INPP5F: variants seen among roughly 807,000 people sequenced by gnomAD.
INPP5F encodes phosphatidylinositide 4-phosphatase SAC2.
In INPP5F, 97 loss-of-function variants were observed where a neutral mutation model predicts 137.2. The ratio of observed to expected loss-of-function variants is 0.71; its 90% confidence interval spans 0.60 to 0.84. INPP5F has a LOEUF of 0.84. Ranked by LOEUF, INPP5F falls within the 40% of genes least tolerant of loss-of-function variation. The probability of loss-of-function intolerance (pLI) is 0.00; values close to 1 mark genes in which losing one functional copy is unlikely to be tolerated. For missense variants in INPP5F, 1,271 were observed against 1,371.9 expected (o/e 0.93, Z 1.16); for synonymous variants, 504 against 476.9 (o/e 1.06, Z -0.74).
chr10:119,756,291 T>G (rs1848840144), intron 2 of INPP5F, among the ~76,000 whole-genome samples: 1 of 152,152 alleles, frequency 6.6e-6, no homozygotes, highest in Non-Finnish European at 1.5e-5. Context: ...TTGAACAAAT[T>G]TTAAACATGG....
intron 19 of INPP5F, chr10:119,825,940 TCTTA>T (rs1354247913): frequency 2.5e-6 from 1 of 398,420 alleles, no homozygotes; most frequent in African/African-American, 2.1e-5. Flanking sequence ...AACTTTTCTT[TCTTA>T]TTTATAGCTG....
At chr10:119,796,065 G>A (rs1345375415) in intron 6 of INPP5F, among the ~76,000 whole-genome samples, 8 of 149,012 alleles carry the variant, frequency 5.4e-5, no homozygotes, top group Non-Finnish European at 7.5e-5. Context: ...GAGGGAGACC[G>A]TGGGGAGAGG....
chr10:119,764,467 G>GTTCTC (rs1387939951), intron 2 of INPP5F, among the ~76,000 whole-genome samples: 1 of 151,906 alleles, frequency 6.6e-6, no homozygotes, highest in Non-Finnish European at 1.5e-5. Flanking sequence ...AGACCAACCC[G>GTTCTC]TTCTCATCCT....
At position 119,748,928 on chromosome 10, in the gene INPP5F, G is replaced by A. The variant is rs570240550; in HGVS notation, c.98-2148G>A. ...CCACTGCCCAGGCTGTTTGGGCTGA[G>A]GGGTGCCTGCAGGCCCACTTGGAGC... On this transcript the variant is annotated intron_variant, in intron 1 of 19. Transcript: ENST00000650623. The surrounding 1 kb of genome is among the most constrained non-coding windows in gnomAD (Gnocchi z 4.7). Among the ~76,000 whole-genome samples the A allele has an allele frequency of 2.8e-4, 43 of 152,322 alleles. No individual in the cohort carries two copies. Among genetic ancestry groups the A allele is most frequent in the Non-Finnish European group, 5.4e-4 (37 of 68,022 alleles).
At chr10:119,784,944 G>A (rs953456041) in intron 3 of INPP5F, among the ~76,000 whole-genome samples, 1 of 152,164 alleles carries the variant, frequency 6.6e-6, no homozygotes, top group Non-Finnish European at 1.5e-5. Flanking sequence ...ACATCTCATA[G>A]AAACGGAATA....
chr10:119,790,479 T>A (rs1850102153), intron 3 of INPP5F, among the ~76,000 whole-genome samples: 1 of 152,218 alleles, frequency 6.6e-6, no homozygotes, highest in African/African-American at 2.4e-5. Flanking sequence ...CTTGAAATCA[T>A]CTGGAGATCC....
intron 15 of INPP5F, among the ~76,000 whole-genome samples, chr10:119,816,916 T>C (rs1589751111): frequency 6.6e-6 from 1 of 152,184 alleles, no homozygotes; most frequent in Non-Finnish European, 1.5e-5. Flanking sequence ...ATATTCAGAG[T>C]TGTGCAGCCA....
intron 3 of INPP5F, among the ~76,000 whole-genome samples, chr10:119,785,284 C>CTTTTTTTT (rs1440327192): frequency 2.5e-5 from 2 of 81,600 alleles, no homozygotes; most frequent in Non-Finnish European, 5.4e-5. Flanking sequence ...AACTGCCAGA[C>CTTTTTTTT]TGTTTTTTTT....
chr10:119,827,563 A>G lies in INPP5F; in HGVS notation c.3182A>G (p.Glu1061Gly), dbSNP rs1202897437. 1.9e-6 allele frequency: 3 copies of G among 1,614,052 alleles called. No individual in the cohort carries two copies. Among genetic ancestry groups the G allele is most frequent in the South Asian group, 2.2e-5 (2 of 91,088 alleles). ...CTTCATGTAACTCCTTCTCCTTCAG[A>G]GAGCAGTAGCAGCAGAGCAGTCTCT... The part of the protein sequence containing the change: ...TGLHVTPSPS[E>G]SSSSRAVSPF... Residue 1061 changes from glutamate to glycine, a missense_variant, in exon 20 of 20, where the codon GAG becomes GGG. This residue lies in a region of INPP5F where 490 missense variants were observed against 443.7 expected (regional missense o/e 1.10). Coordinates refer to ENST00000650623, the MANE Select transcript of INPP5F (RefSeq NM_014937.4).
rs372913326 is a variant in INPP5F, at chr10:119,827,214, G to A, written c.2833G>A (p.Asp945Asn). The change falls in exon 20 of 20, where the codon GAC (aspartate) becomes AAC (asparagine). Residue 945 changes from aspartate to asparagine, a missense_variant. Physicochemically the swap from Asp to Asn is conservative, Grantham distance 23 (BLOSUM62 1). Transcript: ENST00000650623. ...TTTGAAGAAAAGTCCTTCTGCTGGCGACGTACACATATTGACTGGCTTTGC... is the reference window on the plus strand; with the variant it reads ...TTTGAAGAAAAGTCCTTCTGCTGGCAACGTACACATATTGACTGGCTTTGC... ...SPLKKSPSAGDVHILTGFAKP... is the reference protein window; with the variant it reads ...SPLKKSPSAGNVHILTGFAKP... 29 of 1,613,954 alleles carry A rather than the reference G, an allele frequency of 1.8e-5. No homozygotes were observed. Among genetic ancestry groups the A allele is most frequent in the South Asian group, 2.2e-5 (2 of 91,074 alleles).
At chr10:119,752,361 G>C (rs1309213908) in intron 2 of INPP5F, among the ~76,000 whole-genome samples, 3 of 152,162 alleles carry the variant, frequency 2.0e-5, no homozygotes, top group African/African-American at 7.2e-5. Context: ...GAGGCAGGTG[G>C]ATCATCTGAG....
intron 1 of INPP5F, 75 bp from the exon 2 acceptor site, chr10:119,751,001 T>C (rs1848676124): frequency 7.3e-6 from 7 of 957,956 alleles, no homozygotes; most frequent in African/African-American, 3.3e-5. Flanking sequence ...TTTTTTTCAA[T>C]ACACTGCTAA....
chr10:119,810,700 C>T (rs1564845961), intron 14 of INPP5F, among the ~76,000 whole-genome samples: 1 of 152,152 alleles, frequency 6.6e-6, no homozygotes, highest in Non-Finnish European at 1.5e-5. Flanking sequence ...CCCTAACCAA[C>T]TCATCATTTT....
At chr10:119,768,057 A>G (rs996242652) in intron 2 of INPP5F, among the ~76,000 whole-genome samples, 89 of 152,296 alleles carry the variant, frequency 5.8e-4, no homozygotes, top group Admixed American at 2.5e-3. Context: ...CTTTACCAAC[A>G]TGTCTCCATC....
In INPP5F at chr10:119,785,535, C is replaced by CGAGAGAGAGAGAGAGAGA. The variant is rs59804262; in HGVS notation, c.315+3791_315+3808dup. On this transcript the variant is annotated intron_variant, in intron 3 of 19. Transcript: ENST00000650623. ...TGATCTCCTGACCTTGTGATCCGCT[C>CGAGAGAGAGAGAGAGAGA]GAGAGAGAGAGAGAGAGAGAGAGAG... Among the ~76,000 whole-genome samples the CGAGAGAGAGAGAGAGAGA allele has an allele frequency of 7.1e-3, 667 of 93,586 alleles. 58 individuals are homozygous for CGAGAGAGAGAGAGAGAGA. The highest frequency in any genetic ancestry group is 9.7e-3 in the Non-Finnish European group (446 of 45,936). The allele number at this position is 93,586 out of a possible 152,430, so 61.4% of individuals were successfully genotyped here. A position where few individuals can be genotyped will look rare whatever the true frequency, so the allele number is the denominator to read the frequency against.
chr10:119,826,975 C>A lies in INPP5F; in HGVS notation c.2594C>A (p.Thr865Lys). 1 of 1,614,076 alleles carries A rather than the reference C, an allele frequency of 6.2e-7. No homozygotes were observed. The highest frequency in any genetic ancestry group is 1.1e-5 in the South Asian group (1 of 91,070). The part of the protein sequence containing the change: ...NDSYHSDEFL[T>K]NSKSDEDRQL... Reference sequence around the variant, plus strand: ...TCATACCACTCTGATGAATTCCTTACAAATTCTAAGTCTGATGAAGACAGG... The same window carrying A: ...TCATACCACTCTGATGAATTCCTTAAAAATTCTAAGTCTGATGAAGACAGG... Residue 865 changes from threonine (T) to lysine (K), a missense_variant, in exon 20 of 20, where the codon ACA (threonine) becomes AAA (lysine). Around this residue, in one of 6 missense-constraint regions of INPP5F, gnomAD observed 490 missense variants for 443.7 expected, o/e 1.10. Transcript: ENST00000650623.
chr10:119,815,567 G>GCC (rs1361418066), intron 15 of INPP5F: 3 of 229,780 alleles, frequency 1.3e-5, no homozygotes, highest in African/African-American at 6.9e-5. Flanking sequence ...TGTCTTCTCT[G>GCC]ATGTGTAAAC....
At chr10:119,796,937 T>C (rs1483666620) in intron 7 of INPP5F, 24 bp downstream of exon 7, 1 of 1,590,614 alleles carries the variant, frequency 6.3e-7, no homozygotes, top group Non-Finnish European at 8.6e-7. Flanking sequence ...TGTAATAGCA[T>C]TCAAATCAAA....
chr10:119,749,715 CAG>C (rs568020424), intron 1 of INPP5F, among the ~76,000 whole-genome samples: 96 of 152,250 alleles, frequency 6.3e-4, no homozygotes, highest in African/African-American at 2.1e-3. Context: ...AAACTTAACT[CAG>C]AGTTGTCAAG....
Sources: gnomAD v4.1 joint callset for allele counts (sites outside exome capture counted in the v4.1 genomes callset) on GRCh38, gnomAD v4.1.1 for gene constraint, gnomAD v4.1.1 regional missense constraint, Gnocchi (gnomAD v3.1) non-coding constraint, MANE v1.5 for transcripts, NCBI Gene and HGNC (gene_info 2026-07-23, HGNC 2026-07-21) for gene names.